Variants in MAN1A2 observed in about 807,000 individuals in gnomAD.
MAN1A2 encodes mannosyl-oligosaccharide 1,2-alpha-mannosidase IB.
A neutral mutation model predicts 75.7 loss-of-function variants in MAN1A2; 26 were observed. The ratio of observed to expected loss-of-function variants is 0.34; its 90% CI spans 0.25 to 0.48. The LOEUF (loss-of-function observed/expected upper bound fraction) is 0.48. Ranked by LOEUF, MAN1A2 falls within the 20% of genes least tolerant of loss-of-function variation. The pLI is 0.99. For synonymous variants in MAN1A2, 247 were observed against 264.6 expected, an observed-to-expected ratio of 0.93 and a Z score of 0.65; for missense variants, 562 against 775.5, an observed-to-expected ratio of 0.72 and a Z score of 3.27.
At chr1:117,406,726 T>C (rs2101760517) in intron 3 of MAN1A2, among the ~76,000 whole-genome samples, 1 of 152,118 alleles carries the variant, frequency 6.6e-6, no homozygotes, top group East Asian at 1.9e-4. Flanking sequence ...TTAACAGAGT[T>C]TTGGACTGGA....
At chr1:117,390,762 C>A (rs920083652) in intron 1 of MAN1A2, among the ~76,000 whole-genome samples, 2 of 151,684 alleles carry the variant, frequency 1.3e-5, no homozygotes, top group Non-Finnish European at 2.9e-5. Context: ...ATAATTCTCT[C>A]TTTAACTTTT....
chr1:117,384,756 T>G (rs1653466461), intron 1 of MAN1A2, among the ~76,000 whole-genome samples: 1 of 152,190 alleles, frequency 6.6e-6, no homozygotes. Context: ...TGTTGTTTAA[T>G]GTATATATTT....
chr1:117,378,689 A>G (rs770213989), intron 1 of MAN1A2, among the ~76,000 whole-genome samples: 9 of 152,206 alleles, frequency 5.9e-5, no homozygotes, highest in Admixed American at 1.3e-4. Flanking sequence ...ACCAGTTTAT[A>G]CTTCCACCTG....
intron 12 of MAN1A2, among the ~76,000 whole-genome samples, chr1:117,509,598 A>G (rs1651469004): frequency 6.6e-6 from 1 of 151,940 alleles, no homozygotes; most frequent in South Asian, 2.1e-4. Context: ...GCTTTAGTTT[A>G]GTGTTTGAGT....
intron 8 of MAN1A2, among the ~76,000 whole-genome samples, 195 bp from the exon 9 acceptor site, chr1:117,492,952 G>T (rs754937712): frequency 1.3e-5 from 2 of 152,018 alleles, no homozygotes; most frequent in Non-Finnish European, 2.9e-5. Context: ...TAGCAAATTG[G>T]ATACACATAT....
chr1:117,456,280 G>A (rs1649580203), intron 6 of MAN1A2, among the ~76,000 whole-genome samples: 1 of 151,926 alleles, frequency 6.6e-6, no homozygotes, highest in African/African-American at 2.4e-5. Context: ...TGATATCATA[G>A]ATAAAATATT....
intron 1 of MAN1A2, among the ~76,000 whole-genome samples, chr1:117,389,249 A>G (rs1216353971): frequency 6.6e-6 from 1 of 152,202 alleles, no homozygotes; most frequent in Non-Finnish European, 1.5e-5. Flanking sequence ...TTGTTACAGC[A>G]GCAGTCCCCA....
chr1:117,406,488 G>T (rs1209104655), intron 3 of MAN1A2, among the ~76,000 whole-genome samples: 1 of 152,046 alleles, frequency 6.6e-6, no homozygotes, highest in East Asian at 1.9e-4. Flanking sequence ...TTTGACACTA[G>T]GGAAGGATTT....
intron 1 of MAN1A2, among the ~76,000 whole-genome samples, chr1:117,394,152 G>C (rs545297759): frequency 4.8e-4 from 73 of 151,862 alleles, no homozygotes; most frequent in African/African-American, 1.7e-3. Context: ...CGCAGTCTTG[G>C]CTCACTGCAA....
rs1651943089 is a variant in MAN1A2 at position 117,524,054 on chromosome 1, C to G, written c.*1097C>G. On this transcript the variant is annotated 3_prime_UTR_variant, in exon 13 of 13. Coordinates refer to ENST00000356554, the MANE Select transcript of MAN1A2 (RefSeq NM_006699.5). ...TCTATCTGGAATAGGGACAGGGGAT[C>G]TTTTATTTATAATCTCATCAGATGA... 6.6e-6 allele frequency: 1 copy of G among 152,008 alleles called. No individual in the cohort carries two copies. The allele number at this position is 152,008 out of a possible 1,614,324, so 9.4% of individuals were successfully genotyped here.
intron 1 of MAN1A2, among the ~76,000 whole-genome samples, chr1:117,370,444 T>C (rs1310650287): frequency 6.6e-6 from 1 of 152,230 alleles, no homozygotes; most frequent in Non-Finnish European, 1.5e-5. Flanking sequence ...TTTGTATTTC[T>C]GTGGTTATAT....
At chr1:117,466,069 T>A (rs1230201171) in intron 7 of MAN1A2, among the ~76,000 whole-genome samples, 1 of 152,146 alleles carries the variant, frequency 6.6e-6, no homozygotes, top group Non-Finnish European at 1.5e-5. Context: ...ATGTTGAGAT[T>A]TAAAATGGTT....
chr1:117,487,404 T>C (rs190791751), intron 8 of MAN1A2, among the ~76,000 whole-genome samples: 23 of 152,004 alleles, frequency 1.5e-4, no homozygotes, highest in Admixed American at 9.2e-4. Context: ...ACATGGTTGA[T>C]AGGCTAGGAT....
intron 2 of MAN1A2, among the ~76,000 whole-genome samples, chr1:117,403,405 T>G (rs141808880): frequency 6.6e-6 from 1 of 152,318 alleles, no homozygotes; most frequent in African/African-American, 2.4e-5. Flanking sequence ...CTTCGGACAG[T>G]GTTGGGAGAG....
chr1:117,412,761 A>G (rs1447765518), intron 3 of MAN1A2, among the ~76,000 whole-genome samples: 2 of 151,780 alleles, frequency 1.3e-5, no homozygotes, highest in Non-Finnish European at 1.5e-5. Flanking sequence ...CTCTAGGTAA[A>G]CAATCATGAT....
intron 8 of MAN1A2, among the ~76,000 whole-genome samples, chr1:117,475,593 T>C (rs1389103148): frequency 3.3e-5 from 5 of 152,000 alleles, no homozygotes; most frequent in African/African-American, 1.2e-4. Context: ...CAACTCCCAC[T>C]TAGGAGTGAG....
chr1:117,474,405 A>G (rs1444396508), intron 8 of MAN1A2, among the ~76,000 whole-genome samples: 6 of 147,618 alleles, frequency 4.1e-5, no homozygotes, highest in Admixed American at 4.0e-4. Flanking sequence ...TTTTACTTTG[A>G]TCAATTTACT....
chr1:117,436,914 G>A (rs1429550061), intron 5 of MAN1A2, among the ~76,000 whole-genome samples: 1 of 152,182 alleles, frequency 6.6e-6, no homozygotes, highest in African/African-American at 2.4e-5. Context: ...TGACTTATTA[G>A]CTTGCAAATA....
chr1:117,391,530 G>T (rs958498008), intron 1 of MAN1A2, among the ~76,000 whole-genome samples: 6 of 152,124 alleles, frequency 3.9e-5, no homozygotes, highest in African/African-American at 1.4e-4. Context: ...TTAATACAAA[G>T]TGACCCTTTT....
Sources: gnomAD v4.1 joint callset for allele counts (sites outside exome capture counted in the v4.1 genomes callset) on GRCh38, gnomAD v4.1.1 for gene constraint, MANE v1.5 for transcripts, NCBI Gene and HGNC (gene_info 2026-07-23, HGNC 2026-07-21) for gene names.